NRG1: variants seen among roughly 807,000 people sequenced by gnomAD.
NRG1 encodes pro-neuregulin-1, membrane-bound isoform.
In NRG1, 18 loss-of-function variants were observed where a neutral mutation model predicts 63.8. The observed-to-expected ratio is 0.28, with a 90% CI of 0.19 to 0.42. The LOEUF is 0.42. Among genes scored for constraint, NRG1 ranks in the 10% least tolerant of loss-of-function variants. NRG1 has a pLI of 1.00. For missense variants in NRG1, 762 were observed against 814.7 expected (o/e 0.94, Z 0.79); for synonymous variants, 302 against 301.3 (o/e 1.00, Z -0.02).
At chr8:32,542,770 C>G (rs962908443) in intron 1 of NRG1, among the ~76,000 whole-genome samples, 1 of 152,116 alleles carries the variant, frequency 6.6e-6, no homozygotes, top group Non-Finnish European at 1.5e-5. Context: ...ATTAAATTTG[C>G]ATTTCAAAAA....
chr8:31,856,587 T>C (rs965432579), intron 1 of NRG1, among the ~76,000 whole-genome samples: 16 of 152,350 alleles, frequency 1.1e-4, no homozygotes, highest in African/African-American at 3.1e-4. Context: ...AGTAATTTGA[T>C]TGTCTGAAGC....
chr8:31,990,668 C>G (rs1810909366), intron 1 of NRG1, among the ~76,000 whole-genome samples: 1 of 152,126 alleles, frequency 6.6e-6, no homozygotes, highest in Non-Finnish European at 1.5e-5. Context: ...GTGGTAGACA[C>G]TTTTCCTCTG....
intron 5 of NRG1, chr8:32,647,706 G>A (rs1178026251): frequency 1.3e-6 from 2 of 1,540,602 alleles, no homozygotes; most frequent in Non-Finnish European, 1.7e-6. Context: ...GCCTTCTTCT[G>A]GAGGTGAGCC....
rs72634875 is a variant in NRG1, at chr8:32,655,525, G to A, written c.502+38640G>A. 5.7e-3 allele frequency among the ~76,000 whole-genome samples: 869 copies of A among 152,248 alleles called. 8 individuals carry two copies. Among genetic ancestry groups the A allele is most frequent in the Non-Finnish European group, 8.4e-3 (570 of 68,000 alleles). ...TTCTTTGCCCTTTCTATCAGGGTTCGTGTATGCATATATTCACAAGTGCTA... is the reference window on the plus strand; with the variant it reads ...TTCTTTGCCCTTTCTATCAGGGTTCATGTATGCATATATTCACAAGTGCTA... On this transcript the variant is annotated intron_variant, in intron 5 of 11. Transcript: ENST00000356819.
intron 1 of NRG1, among the ~76,000 whole-genome samples, chr8:31,815,839 T>G (rs577797255): frequency 3.9e-5 from 6 of 152,304 alleles, no homozygotes; most frequent in Middle Eastern, 3.4e-3. Flanking sequence ...TTTCTGAGTT[T>G]TTTTTTCTTT....
rs971037966 is a variant in NRG1 at position 32,001,103 on chromosome 8, G to A, written c.37+361672G>A. On this transcript the variant is annotated intron_variant, in intron 1 of 10. Coordinates refer to the NRG1 transcript ENST00000519301. ...CCCCTATTATGAACATCTTATATTA[G>A]TGTGGTAGATTTGTTACAATAAGTG... Among the ~76,000 whole-genome samples, 9 of 151,888 alleles carry A rather than the reference G, an allele frequency of 5.9e-5. No homozygotes were observed. In the East Asian group the frequency reaches 1.4e-3, roughly 23 times the overall value.
chr8:31,857,179 A>C (rs1454606465), intron 1 of NRG1, among the ~76,000 whole-genome samples: 1 of 152,244 alleles, frequency 6.6e-6, no homozygotes, highest in East Asian at 1.9e-4. Context: ...TACCTAAGCA[A>C]GCCTGGGCAA....
chr8:31,865,441 ATGG>A (rs1828867268), intron 1 of NRG1, among the ~76,000 whole-genome samples: 1 of 152,056 alleles, frequency 6.6e-6, no homozygotes. Flanking sequence ...ACCATATGAT[ATGG>A]TTTTGCTGTG....
chr8:32,138,356 G>A (rs138198858), intron 1 of NRG1, among the ~76,000 whole-genome samples: 8 of 152,000 alleles, frequency 5.3e-5, no homozygotes, highest in African/African-American at 1.9e-4. Flanking sequence ...TCAGCATGGG[G>A]TCCTTCAAGC....
At chr8:32,050,363 C>T (rs749674867) in intron 1 of NRG1, among the ~76,000 whole-genome samples, 9 of 152,124 alleles carry the variant, frequency 5.9e-5, no homozygotes, top group Non-Finnish European at 1.2e-4. Context: ...TCCTTGGGAG[C>T]TTCCACTGAA....
At chr8:32,146,369 T>C (rs933922159) in intron 1 of NRG1, among the ~76,000 whole-genome samples, 1 of 152,214 alleles carries the variant, frequency 6.6e-6, no homozygotes, top group Non-Finnish European at 1.5e-5. Context: ...TTGACAAAAC[T>C]GTTTCGATGA....
intron 1 of NRG1, among the ~76,000 whole-genome samples, chr8:32,434,619 A>G (rs1447462507): frequency 1.3e-5 from 2 of 152,112 alleles, no homozygotes; most frequent in Non-Finnish European, 2.9e-5. Context: ...CACCAGTGAA[A>G]GAAGCCCAGA....
chr8:32,624,482 A>G (rs536060455), intron 5 of NRG1, among the ~76,000 whole-genome samples: 106 of 152,318 alleles, frequency 7.0e-4, no homozygotes, highest in African/African-American at 2.2e-3. Context: ...CCTTAGAAAA[A>G]TCAGAAAATA....
chr8:31,693,322 G>GAATATAATTT (rs1360482945), intron 1 of NRG1, among the ~76,000 whole-genome samples: 1 of 152,112 alleles, frequency 6.6e-6, no homozygotes, highest in Non-Finnish European at 1.5e-5. Flanking sequence ...ATCTTTCTTG[G>GAATATAATTT]AATATAATTT....
chr8:32,732,206 A>G (rs1424623299), intron 6 of NRG1, among the ~76,000 whole-genome samples: 2 of 152,178 alleles, frequency 1.3e-5, no homozygotes, highest in Non-Finnish European at 2.9e-5. Flanking sequence ...TGTGGAAAAA[A>G]TAGTTACTAT....
At chr8:32,631,321 TTCCAACCCCCAAGGCTC>T (rs1394453670) in intron 5 of NRG1, among the ~76,000 whole-genome samples, 2 of 152,222 alleles carry the variant, frequency 1.3e-5, no homozygotes, top group Admixed American at 1.3e-4. Flanking sequence ...TCAAGGCTCC[TTCCAACCCCCAAGGCTC>T]TCCTTTTTTA....
intron 7 of NRG1, chr8:32,749,624 A>T: frequency 6.2e-7 from 1 of 1,602,272 alleles, no homozygotes; most frequent in Non-Finnish European, 8.5e-7. Context: ...TGCAGAATTT[A>T]GAGCCTATGA....
At chr8:32,470,030 A>ATT (rs71208185) in intron 1 of NRG1, among the ~76,000 whole-genome samples, 1,674 of 132,610 alleles carry the variant, frequency 0.013, 20 homozygotes, top group Admixed American at 0.031. Context: ...CGCCCAGCTA[A>ATT]TTTTTTTTTT....
At chr8:32,454,610 C>G (rs933971975) in intron 1 of NRG1, among the ~76,000 whole-genome samples, 7 of 112,006 alleles carry the variant, frequency 6.2e-5, no homozygotes, top group African/African-American at 2.1e-4. Context: ...GGTGGCTGCT[C>G]TCAAATTTTT....
Sources: gnomAD v4.1 joint callset for allele counts (sites outside exome capture counted in the v4.1 genomes callset) on GRCh38, gnomAD v4.1.1 for gene constraint, MANE v1.5 for transcripts, NCBI Gene and HGNC (gene_info 2026-07-23, HGNC 2026-07-21) for gene names.